The following UNC5D variants were observed in gnomAD, a reference collection of about 807,000 sequenced individuals.
UNC5D encodes the protein unc-5 netrin receptor D.
A neutral mutation model predicts 105.4 loss-of-function variants in UNC5D; 39 were observed. That is an observed-to-expected ratio of 0.37 (90% confidence interval 0.29 to 0.48). The LOEUF (loss-of-function observed/expected upper bound fraction) is 0.48, where lower values mean the gene tolerates loss of function less well. Ranked by LOEUF, UNC5D falls within the 20% of genes least tolerant of loss-of-function variation. The pLI, the probability that UNC5D is intolerant of heterozygous loss-of-function variation, is 0.98. For missense variants in UNC5D, 991 were observed against 1,202.4 expected (o/e 0.82, Z 2.60); for synonymous variants, 452 against 450.4 (o/e 1.00, Z -0.04).
chr8:35,311,696 A>T lies in UNC5D; in HGVS notation c.103+75809A>T, dbSNP rs570036495. Among the ~76,000 whole-genome samples the T allele has an allele frequency of 2.0e-5, 3 of 152,298 alleles. No individual in the cohort carries two copies. In the South Asian group the frequency reaches 6.2e-4, roughly 32 times the overall value. The stretch of plus-strand genomic sequence containing the variant: ...TTAAACTGTGCAGACTTTAAAATGC[A>T]CTAAATCACATCCTCAGCAGCAACT... On this transcript the variant is annotated intron_variant, in intron 1 of 16. Coordinates refer to ENST00000404895, the MANE Select transcript of UNC5D (RefSeq NM_080872.4).
intron 1 of UNC5D, among the ~76,000 whole-genome samples, chr8:35,343,321 T>C (rs1344062391): frequency 6.6e-6 from 1 of 152,122 alleles, no homozygotes; most frequent in Non-Finnish European, 1.5e-5. Context: ...CTTGTTCTTG[T>C]TGCTTGAGAA....
intron 1 of UNC5D, among the ~76,000 whole-genome samples, chr8:35,469,603 G>C (rs1029872680): frequency 2.6e-5 from 4 of 152,098 alleles, no homozygotes; most frequent in African/African-American, 9.7e-5. Flanking sequence ...CCTTTCCAGA[G>C]CACGATAATA....
intron 1 of UNC5D, among the ~76,000 whole-genome samples, chr8:35,445,823 G>A (rs1357699646): frequency 6.6e-6 from 1 of 151,994 alleles, no homozygotes; most frequent in Non-Finnish European, 1.5e-5. Context: ...TTAAAAAAGT[G>A]ATTAATACAT....
At chr8:35,264,556 C>T (rs1331768016) in intron 1 of UNC5D, among the ~76,000 whole-genome samples, 1 of 151,952 alleles carries the variant, frequency 6.6e-6, no homozygotes, top group East Asian at 1.9e-4. Context: ...GGTGAAACCC[C>T]ATCTCTACTA....
At chr8:35,641,179 T>C (rs1047544527) in intron 4 of UNC5D, among the ~76,000 whole-genome samples, 1 of 151,876 alleles carries the variant, frequency 6.6e-6, no homozygotes, top group African/African-American at 2.4e-5. Context: ...TATATGAATA[T>C]GACTAATGAG....
chr8:35,454,976 C>A (rs1808389506), intron 1 of UNC5D, among the ~76,000 whole-genome samples: 1 of 152,094 alleles, frequency 6.6e-6, no homozygotes, highest in African/African-American at 2.4e-5. Flanking sequence ...TTCTTTTAAT[C>A]AACACACATT....
At chr8:35,753,860 C>T (rs6986225) in intron 13 of UNC5D, among the ~76,000 whole-genome samples, 11,356 of 152,242 alleles carry the variant, frequency 0.075, 1,149 homozygotes, top group African/African-American at 0.23. Flanking sequence ...AACTGAGACT[C>T]CCTAGTACAG....
At chr8:35,467,825 G>A (rs545218015) in intron 1 of UNC5D, among the ~76,000 whole-genome samples, 7 of 152,226 alleles carry the variant, frequency 4.6e-5, no homozygotes, top group East Asian at 1.9e-4. Context: ...TTCTGATAAC[G>A]AAAAGCTTTC....
intron 4 of UNC5D, among the ~76,000 whole-genome samples, chr8:35,616,098 G>A (rs1379525417): frequency 1.3e-5 from 2 of 152,070 alleles, no homozygotes; most frequent in African/African-American, 2.4e-5. Context: ...ACTGTTCACC[G>A]AATCTTCCCA....
At chr8:35,681,165 C>A (rs2131327833) in intron 4 of UNC5D, among the ~76,000 whole-genome samples, 1 of 152,262 alleles carries the variant, frequency 6.6e-6, no homozygotes, top group Non-Finnish European at 1.5e-5. Flanking sequence ...GAAGCCACTG[C>A]AAAAATCCCA....
Position 35,789,893 on chromosome 8 carries a change from A to AC in UNC5D, c.2658-466_2658-465insC, listed in dbSNP as rs879701613. On this transcript the variant is annotated intron_variant, in intron 16 of 16. Coordinates refer to ENST00000404895, the MANE Select transcript of UNC5D (RefSeq NM_080872.4). ...GCATGTCAAGGGGATAGTCAAGAAG[A>AC]AAACACACACACACACACACACACA... is the stretch of plus-strand genomic sequence containing the variant. Among the ~76,000 whole-genome samples the AC allele has an allele frequency of 3.6e-3, 475 of 130,912 alleles. 2 individuals carry two copies. The highest frequency in any genetic ancestry group is 0.016 in the African/African-American group (443 of 27,970). 85.9% of individuals were successfully genotyped at this position (130,912 alleles called of 152,430 possible).
At chr8:35,288,215 A>G (rs1287658935) in intron 1 of UNC5D, among the ~76,000 whole-genome samples, 1 of 152,154 alleles carries the variant, frequency 6.6e-6, no homozygotes, top group Non-Finnish European at 1.5e-5. Flanking sequence ...GAAAATAAGC[A>G]TATCACATTC....
intron 1 of UNC5D, among the ~76,000 whole-genome samples, chr8:35,509,928 G>A (rs1812586972): frequency 6.6e-6 from 1 of 152,108 alleles, no homozygotes; most frequent in Admixed American, 6.6e-5. Context: ...TAGGTTTGCT[G>A]GTTATTATAA....
intron 1 of UNC5D, among the ~76,000 whole-genome samples, chr8:35,271,025 T>A (rs996040318): frequency 7.9e-5 from 12 of 151,822 alleles, no homozygotes; most frequent in Admixed American, 2.6e-4. Context: ...GCTACATTTT[T>A]AAAATATATA....
At chr8:35,621,286 C>A (rs1172353104) in intron 4 of UNC5D, among the ~76,000 whole-genome samples, 1 of 152,164 alleles carries the variant, frequency 6.6e-6, no homozygotes, top group Non-Finnish European at 1.5e-5. Flanking sequence ...TAACATGTGC[C>A]TGTGAGCCCG....
chr8:35,606,361 A>G (rs2130954772), intron 4 of UNC5D, among the ~76,000 whole-genome samples: 1 of 152,186 alleles, frequency 6.6e-6, no homozygotes, highest in East Asian at 1.9e-4. Flanking sequence ...ATATTGATAC[A>G]TTCTTATTAA....
intron 4 of UNC5D, among the ~76,000 whole-genome samples, chr8:35,681,562 T>C (rs1320025150): frequency 6.6e-6 from 1 of 152,202 alleles, no homozygotes; most frequent in African/African-American, 2.4e-5. Flanking sequence ...TAAAATTGGT[T>C]CCATTGCCCT....
At chr8:35,274,861 A>G (rs556197833) in intron 1 of UNC5D, among the ~76,000 whole-genome samples, 152 of 152,170 alleles carry the variant, frequency 1.0e-3, no homozygotes, top group African/African-American at 3.4e-3. Flanking sequence ...AAGCCAAGGC[A>G]GGTGGATCAC....
At chr8:35,578,463 A>G (rs1818253324) in intron 3 of UNC5D, among the ~76,000 whole-genome samples, 1 of 152,200 alleles carries the variant, frequency 6.6e-6, no homozygotes, top group East Asian at 1.9e-4. Flanking sequence ...GCCACCAGAT[A>G]GACATGGCAC....
Sources: allele counts gnomAD v4.1 joint callset (sites outside exome capture counted in the v4.1 genomes callset), GRCh38; gene constraint gnomAD v4.1.1; transcripts MANE v1.5; gene names NCBI Gene and HGNC (gene_info 2026-07-23, HGNC 2026-07-21).